The following ZNF804A variants were observed in gnomAD, a reference collection of about 807,000 sequenced individuals.
ZNF804A encodes the protein zinc finger protein 804A.
ZNF804A carries 2 observed loss-of-function variants against 16.5 expected under a neutral mutation model. The ratio of observed to expected loss-of-function variants is 0.12; its 90% confidence interval spans 0.05 to 0.38. ZNF804A has a LOEUF of 0.38. Ranked by LOEUF, ZNF804A falls within the 10% of genes least tolerant of loss-of-function variation. The pLI is 0.99. For missense variants in ZNF804A, 1,473 were observed against 1,390.7 expected (o/e 1.06, Z -0.94); for synonymous variants, 534 against 489.6 (o/e 1.09, Z -1.20).
At chr2:184,777,336 C>T (rs1694304210) in intron 1 of ZNF804A, among the ~76,000 whole-genome samples, 2 of 151,680 alleles carry the variant, frequency 1.3e-5, no homozygotes, top group Admixed American at 1.3e-4. Context: ...GTTTACACTG[C>T]AAGTCTACGT....
intron 1 of ZNF804A, among the ~76,000 whole-genome samples, chr2:184,814,670 A>G (rs569201901): frequency 6.6e-6 from 1 of 152,160 alleles, no homozygotes; most frequent in African/African-American, 2.4e-5. Flanking sequence ...CTTGTCTGGT[A>G]GCTGAGAGGC....
chr2:184,651,806 C>T (rs565665682), intron 1 of ZNF804A, among the ~76,000 whole-genome samples: 2 of 152,076 alleles, frequency 1.3e-5, no homozygotes, highest in African/African-American at 4.8e-5. Context: ...GCTGGCAATG[C>T]TGTGGAGGAA....
intron 2 of ZNF804A, among the ~76,000 whole-genome samples, chr2:184,890,696 A>G (rs1256632564): frequency 6.6e-6 from 1 of 151,868 alleles, no homozygotes; most frequent in Non-Finnish European, 1.5e-5. Context: ...ATTAAAATAT[A>G]ACAGTCCTTG....
In ZNF804A at chr2:184,938,738, T is replaced by TGCAGCC. The variant is rs1277146841; in HGVS notation, c.3348_3353dup (p.Ala1118_Ala1119dup). Reference sequence around the variant, plus strand: ...ACGCTGCAGCTGCTGCAGCTGCAGCTGCAGCCGCAGCTGCAGGAACCTTTA... The same window carrying TGCAGCC: ...ACGCTGCAGCTGCTGCAGCTGCAGCTGCAGCCGCAGCCGCAGCTGCAGGAACCTTTA... On this transcript the variant is annotated inframe_insertion, in exon 4 of 4. Transcript: ENST00000302277. The TGCAGCC allele has an allele frequency of 5.0e-6, 8 of 1,608,372 alleles. No individual in the cohort carries two copies. Among genetic ancestry groups the TGCAGCC allele is most frequent in the Non-Finnish European group, 5.9e-6 (7 of 1,177,444 alleles).
intron 1 of ZNF804A, among the ~76,000 whole-genome samples, chr2:184,617,703 G>T (rs1232770896): frequency 1.3e-5 from 2 of 151,336 alleles, no homozygotes; most frequent in African/African-American, 2.4e-5. Context: ...TAATTTTGTG[G>T]TTAAGTCAAT....
At chr2:184,872,314 G>T (rs537271679) in intron 2 of ZNF804A, among the ~76,000 whole-genome samples, 1 of 152,112 alleles carries the variant, frequency 6.6e-6, no homozygotes, top group African/African-American at 2.4e-5. Context: ...ACTATTCTTT[G>T]AACAGTATAC....
intron 1 of ZNF804A, among the ~76,000 whole-genome samples, chr2:184,643,701 A>C (rs530304712): frequency 6.6e-6 from 1 of 151,816 alleles, no homozygotes; most frequent in East Asian, 1.9e-4. Flanking sequence ...ATTTTTGTAC[A>C]TGTAAATTAT....
chr2:184,813,732 G>A (rs1000642421), intron 1 of ZNF804A, among the ~76,000 whole-genome samples: 1 of 151,944 alleles, frequency 6.6e-6, no homozygotes. Context: ...ACATGTGCCT[G>A]CCACTACAGG....
At chr2:184,630,801 C>A (rs529651417) in intron 1 of ZNF804A, among the ~76,000 whole-genome samples, 2 of 151,722 alleles carry the variant, frequency 1.3e-5, no homozygotes, top group Non-Finnish European at 2.9e-5. Flanking sequence ...ACTGTTTATA[C>A]CAAGAGCTGT....
In ZNF804A at chr2:184,837,622, T is replaced by C. The variant is rs142282370; in HGVS notation, c.112-28747T>C. On this transcript the variant is annotated intron_variant, in intron 1 of 3. Coordinates refer to ENST00000302277, the MANE Select transcript of ZNF804A (RefSeq NM_194250.2). ...GAATAACAGCACTTTTTTACAGAAA[T>C]ATTTAATAATCTTAAAAGGTATAAA... Among the ~76,000 whole-genome samples the C allele has an allele frequency of 3.9e-4, 59 of 152,246 alleles. 2 individuals are homozygous for C. The East Asian group carries it at 0.011, about 28-fold the overall frequency.
intron 1 of ZNF804A, among the ~76,000 whole-genome samples, chr2:184,701,333 A>G (rs997502715): frequency 2.0e-5 from 3 of 151,994 alleles, no homozygotes; most frequent in Non-Finnish European, 4.4e-5. Flanking sequence ...TATTGTATAT[A>G]AACACAATAG....
chr2:184,610,568 T>C (rs546737666), intron 1 of ZNF804A, among the ~76,000 whole-genome samples: 222 of 152,254 alleles, frequency 1.5e-3, no homozygotes, highest in Non-Finnish European at 2.3e-3. Flanking sequence ...ATTCTGTCTT[T>C]GTTTAGTAAA....
rs142986801 is a variant in ZNF804A at position 184,682,474 on chromosome 2, T to G, written c.111+83404T>G. Among the ~76,000 whole-genome samples, 959 of 152,294 alleles carry G rather than the reference T, an allele frequency of 6.3e-3. 14 individuals are homozygous for G. The highest frequency in any genetic ancestry group is 0.022 in the African/African-American group (898 of 41,556). On this transcript the variant is annotated intron_variant, in intron 1 of 3. Coordinates refer to ENST00000302277, the MANE Select transcript of ZNF804A (RefSeq NM_194250.2). ...TAGAATTAGCTACATTTGATTTTTT[T>G]TGTGACTTTTTTTTGCTTGAGAATT...
intron 2 of ZNF804A, among the ~76,000 whole-genome samples, chr2:184,912,644 C>T (rs2105832707): frequency 6.6e-6 from 1 of 152,116 alleles, no homozygotes; most frequent in East Asian, 1.9e-4. Flanking sequence ...AATTAACAAT[C>T]CTAGTGAGTG....
At chr2:184,862,267 G>T (rs1455629796) in intron 1 of ZNF804A, among the ~76,000 whole-genome samples, 1 of 152,130 alleles carries the variant, frequency 6.6e-6, no homozygotes, top group Non-Finnish European at 1.5e-5. Flanking sequence ...TGAAAGAGAG[G>T]GGTCATGGAA....
At chr2:184,768,602 A>G (rs1694165192) in intron 1 of ZNF804A, among the ~76,000 whole-genome samples, 1 of 152,008 alleles carries the variant, frequency 6.6e-6, no homozygotes, top group African/African-American at 2.4e-5. Flanking sequence ...TCTGAAATAC[A>G]GTATTTTTAA....
At chr2:184,805,312 T>A (rs570282592) in intron 1 of ZNF804A, among the ~76,000 whole-genome samples, 21 of 152,272 alleles carry the variant, frequency 1.4e-4, no homozygotes, top group African/African-American at 5.1e-4. Context: ...TCTTAATATT[T>A]CTAATAGTTG....
At position 184,713,287 on chromosome 2, in the gene ZNF804A, A is replaced by C. The variant is rs17509031; in HGVS notation, c.111+114217A>C. On this transcript the variant is annotated intron_variant, in intron 1 of 3. Coordinates refer to ENST00000302277, the MANE Select transcript of ZNF804A (RefSeq NM_194250.2). ...TTGCTCTGGGAGTCATTTCTGGGCA[A>C]GCCAGTTCTCCATATTCTCCACTGA... is the stretch of plus-strand genomic sequence containing the variant. Among the ~76,000 whole-genome samples, 887 of 151,988 alleles carry C rather than the reference A, an allele frequency of 5.8e-3. 11 individuals are homozygous for C. Among genetic ancestry groups the C allele is most frequent in the Middle Eastern group, 0.027 (8 of 294 alleles).
chr2:184,865,533 A>T (rs551419364), intron 1 of ZNF804A, among the ~76,000 whole-genome samples: 3 of 152,046 alleles, frequency 2.0e-5, no homozygotes, highest in Non-Finnish European at 4.4e-5. Context: ...TATTTGTGAC[A>T]CTTACTTCAT....
Sources: gnomAD v4.1 joint callset for allele counts (sites outside exome capture counted in the v4.1 genomes callset) on GRCh38, gnomAD v4.1.1 for gene constraint, MANE v1.5 for transcripts, NCBI Gene and HGNC (gene_info 2026-07-23, HGNC 2026-07-21) for gene names.